SAFB: variants seen among roughly 807,000 people sequenced by gnomAD.
SAFB encodes the protein scaffold attachment factor B, also known as scaffold attachment factor B1.
A neutral mutation model predicts 101.6 loss-of-function variants in SAFB; 15 were observed. The ratio of observed to expected loss-of-function variants is 0.15; its 90% CI spans 0.10 to 0.23. The LOEUF (loss-of-function observed/expected upper bound fraction) is 0.23, where lower values mean the gene tolerates loss of function less well. Among genes scored for constraint, SAFB ranks in the 10% least tolerant of loss-of-function variants. The pLI is 1.00. For synonymous variants in SAFB, 449 were observed against 407.5 expected, an observed-to-expected ratio of 1.10 and a Z score of -1.23; for missense variants, 930 against 1,104.1, an observed-to-expected ratio of 0.84 and a Z score of 2.23.
At chr19:5,628,793 A>T (rs993399330) in intron 2 of SAFB, among the ~76,000 whole-genome samples, 1 of 152,244 alleles carries the variant, frequency 6.6e-6, no homozygotes, top group Non-Finnish European at 1.5e-5. Context: ...ACTCAAGTAT[A>T]CTTCTGCCAA....
At chr19:5,627,789 T>A (rs1327072581) in intron 2 of SAFB, among the ~76,000 whole-genome samples, 8 of 152,202 alleles carry the variant, frequency 5.3e-5, no homozygotes, top group Admixed American at 4.6e-4. Context: ...ACTCGTCTCC[T>A]TGGGTCCTCT....
chr19:5,633,664 A>G (rs887671519), intron 2 of SAFB, among the ~76,000 whole-genome samples: 1 of 152,102 alleles, frequency 6.6e-6, no homozygotes, highest in Non-Finnish European at 1.5e-5. Flanking sequence ...CTGTAGTCCC[A>G]GCTACTCGGG....
At chr19:5,657,570 C>T (rs1447348238) in intron 14 of SAFB, among the ~76,000 whole-genome samples, 1 of 152,148 alleles carries the variant, frequency 6.6e-6, no homozygotes, top group Non-Finnish European at 1.5e-5. Flanking sequence ...CTGTGTCGCG[C>T]CCAGGCTGGA....
chr19:5,641,972 ATGTGCC>A (rs1308733628), intron 4 of SAFB, 26 bp downstream of exon 4: 3 of 1,574,646 alleles, frequency 1.9e-6, no homozygotes, highest in Middle Eastern at 3.3e-4. Flanking sequence ...TGTCTCTAGA[ATGTGCC>A]CTGAATGTAT....
chr19:5,635,770 G>A (rs986943751), intron 2 of SAFB, among the ~76,000 whole-genome samples: 4 of 152,068 alleles, frequency 2.6e-5, no homozygotes, highest in East Asian at 1.9e-4. Flanking sequence ...ACGAGCAGGC[G>A]ATAGAGGCGA....
intron 15 of SAFB, 115 bp from the exon 16 acceptor site, chr19:5,663,907 A>G: frequency 8.6e-7 from 1 of 1,161,840 alleles, no homozygotes; most frequent in Non-Finnish European, 1.2e-6. Flanking sequence ...AGGAGAGAAC[A>G]CTCTTGGTGA....
chr19:5,661,756 C>A lies in SAFB; in HGVS notation c.2101C>A (p.Arg701Ser). ...GGAGCTGAGGCGCCAGCAGGAACTG[C>A]GCTATGAGCAGGAGCGGCGGCCCGC... is the stretch of plus-strand genomic sequence containing the variant. ...REELRRQQEL[R>S]YEQERRPAVR... Residue 701 changes from arginine to serine, a missense_variant, in exon 15 of 21, where the codon CGC becomes AGC. Arg to Ser is a moderately radical substitution (Grantham distance 110). Around this residue, in one of 7 missense-constraint regions of SAFB, gnomAD observed 318 missense variants for 342.6 expected, o/e 0.93. Coordinates refer to ENST00000588852, the MANE Select transcript of SAFB (RefSeq NM_001201338.2). The A allele has an allele frequency of 6.3e-7, 1 of 1,584,300 alleles. No homozygotes were observed. Among genetic ancestry groups the A allele is most frequent in the Non-Finnish European group, 8.6e-7 (1 of 1,167,314 alleles).
chr19:5,637,748 T>C (rs566064118), intron 2 of SAFB, among the ~76,000 whole-genome samples: 6 of 152,144 alleles, frequency 3.9e-5, no homozygotes, highest in Admixed American at 6.6e-5. Flanking sequence ...TTGATCAGCT[T>C]TTCTCCCATG....
At chr19:5,637,293 A>G (rs1199681860) in intron 2 of SAFB, among the ~76,000 whole-genome samples, 2 of 149,232 alleles carry the variant, frequency 1.3e-5, no homozygotes, top group Non-Finnish European at 3.0e-5. Flanking sequence ...GCAGTGAGCC[A>G]AGATCGTGCC....
chr19:5,661,720 C>A lies in SAFB; in HGVS notation c.2065C>A (p.Arg689Ser). 3 of 1,597,396 alleles carry A rather than the reference C, an allele frequency of 1.9e-6. No homozygotes were observed. The highest frequency in any genetic ancestry group is 1.7e-6 in the Non-Finnish European group (2 of 1,174,188). Residue 689 changes from arginine to serine, a missense_variant, in exon 15 of 21, where the codon CGT (arginine) becomes AGT (serine). Around this residue, in one of 7 missense-constraint regions of SAFB, gnomAD observed 159 missense variants for 234.1 expected, o/e 0.68. Transcript: ENST00000588852. ...ERRREQERIH[R>S]EREELRRQQE... ...CAGGCGCGAGCAGGAGCGCATCCAC[C>A]GTGAGCGCGAGGAGCTGAGGCGCCA...
intron 4 of SAFB, among the ~76,000 whole-genome samples, chr19:5,643,980 T>A (rs2053774667): frequency 6.6e-6 from 1 of 152,192 alleles, no homozygotes; most frequent in Admixed American, 6.5e-5. Flanking sequence ...ATTCAATGGA[T>A]GGATGTTTAT....
chr19:5,636,901 G>T (rs1378841746), intron 2 of SAFB, among the ~76,000 whole-genome samples: 1 of 151,504 alleles, frequency 6.6e-6, no homozygotes, highest in Non-Finnish European at 1.5e-5. Context: ...TAGAGACAGG[G>T]TCTCACCGTG....
At chr19:5,627,808 G>A (rs957139353) in intron 2 of SAFB, among the ~76,000 whole-genome samples, 2 of 152,086 alleles carry the variant, frequency 1.3e-5, no homozygotes, top group African/African-American at 2.4e-5. Context: ...CTGTCCTCCC[G>A]TGGCATAGTT....
chr19:5,667,203 C>A lies in SAFB; in HGVS notation c.2453+39C>A, dbSNP rs753177957. On this transcript the variant is annotated intron_variant, in intron 18 of 20. Transcript: ENST00000588852. This position sits in a 1 kb window ranked among gnomAD's most constrained non-coding sequence, Gnocchi z 4.0. Reference sequence around the variant, plus strand: ...ACCCGACAGTACCTGACCCCCCCCCCGCCCACAAGGGGGCCCGCAAGTCGC... The same window carrying A: ...ACCCGACAGTACCTGACCCCCCCCCAGCCCACAAGGGGGCCCGCAAGTCGC... 33 of 1,298,634 alleles carry A rather than the reference C, an allele frequency of 2.5e-5. No homozygotes were observed. The highest frequency in any genetic ancestry group is 2.5e-4 in the Admixed American group (11 of 43,830). The allele number at this position is 1,298,634 out of a possible 1,614,324, so 80.4% of individuals were successfully genotyped here.
intron 16 of SAFB, 94 bp from the exon 17 acceptor site, chr19:5,664,303 G>A: frequency 6.9e-7 from 1 of 1,444,244 alleles, no homozygotes; most frequent in East Asian, 2.3e-5. Flanking sequence ...CCTTCAGTTA[G>A]GGAAATTATG....
intron 5 of SAFB, among the ~76,000 whole-genome samples, chr19:5,646,817 G>A (rs1384764286): frequency 6.6e-6 from 1 of 152,150 alleles, no homozygotes; most frequent in Non-Finnish European, 1.5e-5. Context: ...GAGAAGGAAG[G>A]GTGGTCCCCA....
At chr19:5,633,671 C>T (rs573258652) in intron 2 of SAFB, among the ~76,000 whole-genome samples, 3 of 151,672 alleles carry the variant, frequency 2.0e-5, no homozygotes, top group African/African-American at 4.8e-5. Context: ...CCCAGCTACT[C>T]GGGAGGCTGA....
At chr19:5,640,875 A>C (rs2053694857) in intron 2 of SAFB, among the ~76,000 whole-genome samples, 2 of 151,144 alleles carry the variant, frequency 1.3e-5, no homozygotes, top group Admixed American at 1.3e-4. Flanking sequence ...AACAGGCATG[A>C]GCCACCGTGC....
At chr19:5,649,889 T>A in intron 7 of SAFB, 37 bp from the exon 8 acceptor site, 1 of 1,589,884 alleles carries the variant, frequency 6.3e-7, no homozygotes, top group Non-Finnish European at 8.6e-7. Context: ...TCCTCCATGC[T>A]GCTTCCTTGT....
Sources: allele counts gnomAD v4.1 joint callset (sites outside exome capture counted in the v4.1 genomes callset), GRCh38; gene constraint gnomAD v4.1.1; regional missense constraint gnomAD v4.1.1; non-coding constraint Gnocchi (gnomAD v3.1); transcripts MANE v1.5; gene names NCBI Gene and HGNC (gene_info 2026-07-23, HGNC 2026-07-21).